CSMD1: variants seen among roughly 807,000 people sequenced by gnomAD.
The protein encoded by CSMD1 is CUB and sushi domain-containing protein 1.
Under a neutral mutation model 417.5 loss-of-function variants are expected in CSMD1, and 213 were observed. That is an observed-to-expected ratio of 0.51 (90% CI 0.46 to 0.57). CSMD1 has a LOEUF of 0.57. Among genes scored for constraint, CSMD1 ranks in the 20% least tolerant of loss-of-function variants. The pLI is 0.00. For synonymous variants in CSMD1, 2,862 were observed against 1,736.8 expected, an observed-to-expected ratio of 1.65 and a Z score of -16.11; for missense variants, 6,923 against 4,529.7, an observed-to-expected ratio of 1.53 and a Z score of -15.17.
chr8:4,716,784 C>T (rs923047570), intron 1 of CSMD1, among the ~76,000 whole-genome samples: 5 of 152,094 alleles, frequency 3.3e-5, no homozygotes, highest in Non-Finnish European at 7.4e-5. Context: ...GGAAAGAAAT[C>T]AGTGTCTCGC....
intron 20 of CSMD1, among the ~76,000 whole-genome samples, chr8:3,365,872 T>C (rs1016846503): frequency 1.3e-5 from 2 of 152,232 alleles, no homozygotes; most frequent in Admixed American, 6.5e-5. Flanking sequence ...ATCTTACTTA[T>C]GAGTAACTCA....
At chr8:3,239,463 C>T (rs2116959032) in intron 26 of CSMD1, among the ~76,000 whole-genome samples, 1 of 152,252 alleles carries the variant, frequency 6.6e-6, no homozygotes, top group African/African-American at 2.4e-5. Context: ...AAAGTGTCTA[C>T]CTAGACCAAG....
chr8:4,385,478 A>T (rs2128920970), intron 3 of CSMD1, among the ~76,000 whole-genome samples: 1 of 152,326 alleles, frequency 6.6e-6, no homozygotes, highest in East Asian at 1.9e-4. Flanking sequence ...TCATATTTAA[A>T]ATAGATATTT....
chr8:3,742,734 G>C (rs1245516731), intron 6 of CSMD1, among the ~76,000 whole-genome samples: 2 of 151,780 alleles, frequency 1.3e-5, no homozygotes, highest in South Asian at 2.1e-4. Context: ...GAGAGAGAGA[G>C]AGAAGAAAAA....
At chr8:4,830,421 T>C (rs374677782) in intron 1 of CSMD1, among the ~76,000 whole-genome samples, 25 of 152,350 alleles carry the variant, frequency 1.6e-4, no homozygotes, top group Admixed American at 5.2e-4. Flanking sequence ...TGAACTTGTA[T>C]GTTTGGAGGA....
At chr8:3,614,750 A>G (rs1802054622) in intron 8 of CSMD1, among the ~76,000 whole-genome samples, 1 of 152,224 alleles carries the variant, frequency 6.6e-6, no homozygotes, top group Non-Finnish European at 1.5e-5. Context: ...TCACACATAG[A>G]TGAGTTTCTT....
In CSMD1 at chr8:3,616,809, A is replaced by C. The variant is rs778368113; in HGVS notation, c.1010-12T>G. 14 of 1,588,690 alleles carry C rather than the reference A, an allele frequency of 8.8e-6. No individual in the cohort carries two copies. The highest frequency in any genetic ancestry group is 1.0e-5 in the Non-Finnish European group (12 of 1,160,376). On this transcript the variant is annotated splice_polypyrimidine_tract_variant and intron_variant, in intron 7 of 69. Coordinates refer to ENST00000635120, the MANE Select transcript of CSMD1 (RefSeq NM_033225.6). ...ACCTCCTTGGCTCACTGTAATAGACAGAAACATTGTCAAAATGCTGTATAG... is the reference window on the plus strand; with the variant it reads ...ACCTCCTTGGCTCACTGTAATAGACCGAAACATTGTCAAAATGCTGTATAG...
intron 18 of CSMD1, among the ~76,000 whole-genome samples, chr8:3,374,042 TC>T (rs1431329487): frequency 6.6e-6 from 1 of 150,480 alleles, no homozygotes; most frequent in African/African-American, 2.4e-5. Flanking sequence ...AACCTCTGCC[TC>T]CCGGGTTCAA....
intron 10 of CSMD1, among the ~76,000 whole-genome samples, chr8:3,549,315 C>T (rs1798810165): frequency 6.6e-6 from 1 of 152,166 alleles, no homozygotes; most frequent in African/African-American, 2.4e-5. Flanking sequence ...ATTATCTTGC[C>T]CTTTACAGGC....
intron 3 of CSMD1, among the ~76,000 whole-genome samples, chr8:4,227,543 G>A (rs919470162): frequency 6.6e-6 from 1 of 152,032 alleles, no homozygotes; most frequent in African/African-American, 2.4e-5. Context: ...CTGAGAAGCA[G>A]GGGTGCCAGG....
chr8:4,046,189 C>CGT (rs918931875), intron 3 of CSMD1, among the ~76,000 whole-genome samples: 1 of 151,600 alleles, frequency 6.6e-6, no homozygotes, highest in Non-Finnish European at 1.5e-5. Flanking sequence ...TGTATGTGTG[C>CGT]GTGTGTGTGT....
chr8:4,081,166 G>A (rs956080140), intron 3 of CSMD1, among the ~76,000 whole-genome samples: 1 of 152,104 alleles, frequency 6.6e-6, no homozygotes, highest in Non-Finnish European at 1.5e-5. Flanking sequence ...CCAGCATTGT[G>A]ATAAATAAAC....
At chr8:4,699,670 G>A (rs1025506319) in intron 1 of CSMD1, among the ~76,000 whole-genome samples, 10 of 152,100 alleles carry the variant, frequency 6.6e-5, no homozygotes, top group African/African-American at 1.2e-4. Flanking sequence ...TTTAAACAAT[G>A]TCATCATCCG....
intron 7 of CSMD1, among the ~76,000 whole-genome samples, chr8:3,695,485 C>G (rs534739440): frequency 6.6e-6 from 1 of 152,014 alleles, no homozygotes; most frequent in South Asian, 2.1e-4. Flanking sequence ...CTGGCTTTAC[C>G]TTATGATAAT....
chr8:4,255,046 T>A (rs1345920481), intron 3 of CSMD1, among the ~76,000 whole-genome samples: 1 of 152,190 alleles, frequency 6.6e-6, no homozygotes, highest in Non-Finnish European at 1.5e-5. Flanking sequence ...GAGGAGTTGA[T>A]CAAGCAATTC....
At chr8:3,933,646 A>T (rs1198576988) in intron 5 of CSMD1, among the ~76,000 whole-genome samples, 4 of 152,172 alleles carry the variant, frequency 2.6e-5, no homozygotes, top group Non-Finnish European at 4.4e-5. Context: ...TATTGAAGAG[A>T]TTTCAGAAAA....
intron 7 of CSMD1, among the ~76,000 whole-genome samples, chr8:3,643,097 A>T (rs1465692361): frequency 1.3e-5 from 2 of 152,134 alleles, no homozygotes; most frequent in Non-Finnish European, 2.9e-5. Flanking sequence ...ACAGGCATGC[A>T]GCTTGTCAGG....
At chr8:4,141,589 T>C (rs1803794100) in intron 3 of CSMD1, among the ~76,000 whole-genome samples, 1 of 151,116 alleles carries the variant, frequency 6.6e-6, no homozygotes, top group Non-Finnish European at 1.5e-5. Flanking sequence ...GTAACTGTAC[T>C]AAGAAATGGA....
chr8:2,954,347 C>T, intron 64 of CSMD1, 79 bp from the exon 65 acceptor site: 1 of 847,238 alleles, frequency 1.2e-6, no homozygotes, highest in Non-Finnish European at 1.8e-6. Flanking sequence ...CAAATTGAAG[C>T]AATTTTCCTT....
Sources: allele counts gnomAD v4.1 joint callset (sites outside exome capture counted in the v4.1 genomes callset), GRCh38; gene constraint gnomAD v4.1.1; transcripts MANE v1.5; gene names NCBI Gene and HGNC (gene_info 2026-07-23, HGNC 2026-07-21).